PIK3R3: variants seen among roughly 807,000 people sequenced by gnomAD.
PIK3R3 encodes the protein phosphoinositide-3-kinase regulatory subunit 3.
Under a neutral mutation model 62.9 loss-of-function variants are expected in PIK3R3, and 64 were observed. The observed-to-expected ratio is 1.02, with a 90% CI of 0.83 to 1.25. The LOEUF (loss-of-function observed/expected upper bound fraction) is 1.25, where lower values mean the gene tolerates loss of function less well. PIK3R3 is among the 50% of genes most tolerant of loss of function. The probability of loss-of-function intolerance (pLI) is 0.00; values close to 1 mark genes in which losing one functional copy is unlikely to be tolerated. For synonymous variants in PIK3R3, 165 were observed against 189.0 expected, an observed-to-expected ratio of 0.87 and a Z score of 1.04; for missense variants, 614 against 561.6, an observed-to-expected ratio of 1.09 and a Z score of -0.94.
At chr1:46,058,171 A>G (rs891714851) in intron 6 of PIK3R3, among the ~76,000 whole-genome samples, 40 of 152,238 alleles carry the variant, frequency 2.6e-4, no homozygotes, top group African/African-American at 8.7e-4. Flanking sequence ...GGCAGCTTCC[A>G]TGTGGCATTG....
intron 1 of PIK3R3, among the ~76,000 whole-genome samples, chr1:46,120,639 C>T (rs1409980194): frequency 6.6e-6 from 1 of 152,176 alleles, no homozygotes; most frequent in African/African-American, 2.4e-5. Flanking sequence ...TAAAAAATAA[C>T]TTGCTAATAC....
At chr1:46,075,054 G>A (rs923365401) in intron 3 of PIK3R3, among the ~76,000 whole-genome samples, 3 of 152,086 alleles carry the variant, frequency 2.0e-5, no homozygotes, top group Non-Finnish European at 2.9e-5. Context: ...TCATCACTTC[G>A]TCCAGCAATA....
chr1:46,060,086 C>T (rs530604983), intron 6 of PIK3R3, among the ~76,000 whole-genome samples: 2 of 147,916 alleles, frequency 1.4e-5, no homozygotes, highest in South Asian at 2.2e-4. Flanking sequence ...GGCGACAGAG[C>T]GAGACTCCGT....
upstream of PIK3R3, among the ~76,000 whole-genome samples, chr1:46,135,256 G>A (rs1655887213): frequency 6.6e-6 from 1 of 152,182 alleles, no homozygotes; most frequent in African/African-American, 2.4e-5. Context: ...CCTGGGTGTG[G>A]ATTAAATTCA....
At position 46,041,501 on chromosome 1, in the gene PIK3R3, C is replaced by T. The variant is rs1646995980; in HGVS notation, c.*2172G>A. The stretch of plus-strand genomic sequence containing the variant: ...GTGTCTGCCCAACAAGGAGCAGACA[C>T]ATTACTGAATACTACAGCCCTGTAT... On this transcript the variant is annotated 3_prime_UTR_variant, in exon 10 of 10. Transcript: ENST00000262741. The T allele has an allele frequency of 5.7e-6, 1 of 176,078 alleles. No individual in the cohort carries two copies. Among genetic ancestry groups the T allele is most frequent in the Non-Finnish European group, 1.2e-5 (1 of 81,564 alleles). The allele number at this position is 176,078 out of a possible 1,614,324, so 10.9% of individuals were successfully genotyped here. A position where few individuals can be genotyped will look rare whatever the true frequency, so the allele number is the denominator to read the frequency against.
At chr1:46,093,595 G>A (rs1330653503) in intron 1 of PIK3R3, among the ~76,000 whole-genome samples, 1 of 152,058 alleles carries the variant, frequency 6.6e-6, no homozygotes, top group Non-Finnish European at 1.5e-5. Context: ...AAATTATTAT[G>A]TTAAATGTTG....
At chr1:46,172,293 G>A in the PIK3R3 span, among the ~76,000 whole-genome samples, 1 of 152,162 alleles carries the variant, frequency 6.6e-6, no homozygotes, top group Non-Finnish European at 1.5e-5. Flanking sequence ...AGGAATAGTG[G>A]CCTGCCTCCC....
At chr1:46,148,585 G>A in the PIK3R3 span, among the ~76,000 whole-genome samples, 1 of 152,128 alleles carries the variant, frequency 6.6e-6, no homozygotes, top group African/African-American at 2.4e-5. Flanking sequence ...CCAGGCCTAG[G>A]TCATGTAGCC....
In PIK3R3 at chr1:46,119,475, A is replaced by G. The variant is rs557734176; in HGVS notation, c.106+12372T>C. On this transcript the variant is annotated intron_variant, in intron 1 of 9. Transcript: ENST00000262741. ...AAGGACACATGTTAAGAAGTGGCAG[A>G]GGCACAATCTGAACTCAGGCGTTCT... Among the ~76,000 whole-genome samples, 119 of 152,336 alleles carry G rather than the reference A, an allele frequency of 7.8e-4. 1 individual carries two copies. Among genetic ancestry groups the G allele is most frequent in the Non-Finnish European group, 1.4e-3 (92 of 68,026 alleles).
At chr1:46,139,809 A>G in the PIK3R3 span, among the ~76,000 whole-genome samples, 2 of 152,128 alleles carry the variant, frequency 1.3e-5, no homozygotes, top group African/African-American at 4.8e-5. Context: ...CTGTTCCCTA[A>G]ATACAACTCA....
chr1:46,156,992 TTCTA>T, the PIK3R3 span, among the ~76,000 whole-genome samples: 3 of 152,218 alleles, frequency 2.0e-5, no homozygotes, highest in Non-Finnish European at 4.4e-5. Context: ...ACAGGACTCC[TTCTA>T]TCTGTCAATA....
the PIK3R3 span, among the ~76,000 whole-genome samples, chr1:46,147,423 GT>G: frequency 6.8e-6 from 1 of 147,074 alleles, no homozygotes; most frequent in Non-Finnish European, 1.5e-5. Context: ...TGTTTTTGTT[GT>G]TATTGTTGTT....
chr1:46,071,980 C>T (rs1282184454), intron 3 of PIK3R3, among the ~76,000 whole-genome samples: 2 of 151,912 alleles, frequency 1.3e-5, no homozygotes, highest in African/African-American at 4.8e-5. Flanking sequence ...TATAAAATCT[C>T]ACCTCCGTAT....
chr1:46,108,652 T>A (rs1653430978), intron 1 of PIK3R3, among the ~76,000 whole-genome samples: 1 of 152,146 alleles, frequency 6.6e-6, no homozygotes, highest in South Asian at 2.1e-4. Context: ...CACCCCATTT[T>A]CCAGCCTACA....
intron 1 of PIK3R3, among the ~76,000 whole-genome samples, chr1:46,094,844 C>T (rs1205494767): frequency 6.6e-6 from 1 of 152,132 alleles, no homozygotes; most frequent in East Asian, 1.9e-4. Flanking sequence ...CCAATCACAA[C>T]GTAGAATTTG....
At chr1:46,132,669 G>A (rs1489622707), upstream of PIK3R3, 1 of 1,289,626 alleles carries the variant, frequency 7.8e-7, no homozygotes, top group African/African-American at 1.5e-5. Flanking sequence ...CGGCGCGGAG[G>A]GGACACCCTC....
chr1:46,146,043 T>C, the PIK3R3 span, among the ~76,000 whole-genome samples: 1 of 152,228 alleles, frequency 6.6e-6, no homozygotes, highest in Non-Finnish European at 1.5e-5. Context: ...CCGGGCCCTC[T>C]AGACATGGGG....
At chr1:46,165,751 C>CTT in the PIK3R3 span, among the ~76,000 whole-genome samples, 53 of 39,554 alleles carry the variant, frequency 1.3e-3, 22 homozygotes, top group East Asian at 2.1e-3. Context: ...CTGCTTTGTC[C>CTT]TTTTTTTTTT....
intron 3 of PIK3R3, among the ~76,000 whole-genome samples, chr1:46,073,558 C>T (rs537785471): frequency 3.9e-5 from 6 of 152,262 alleles, no homozygotes; most frequent in South Asian, 4.1e-4. Context: ...CAGACACTTC[C>T]AGCTGGCTCA....
Sources: allele counts gnomAD v4.1 joint callset (sites outside exome capture counted in the v4.1 genomes callset), GRCh38; gene constraint gnomAD v4.1.1; transcripts MANE v1.5; gene names NCBI Gene and HGNC (gene_info 2026-07-23, HGNC 2026-07-21).